Variants in XIRP2 observed in about 807,000 individuals in gnomAD.
XIRP2 encodes xin actin binding repeat containing 2, also known as xin actin-binding repeat-containing protein 2.
A neutral mutation model predicts 277.0 loss-of-function variants in XIRP2; 236 were observed. The ratio of observed to expected loss-of-function variants is 0.85; its 90% confidence interval spans 0.77 to 0.95. XIRP2 has a LOEUF of 0.95. XIRP2 is among the 40% of genes least tolerant of loss of function. XIRP2 has a pLI of 0.00. For missense variants in XIRP2, 4,640 were observed against 4,157.5 expected, an observed-to-expected ratio of 1.12 and a Z score of -3.19; for synonymous variants, 1,490 against 1,416.5, an observed-to-expected ratio of 1.05 and a Z score of -1.17.
intron 2 of XIRP2, among the ~76,000 whole-genome samples, chr2:167,066,211 C>G (rs1431990470): frequency 6.6e-6 from 1 of 151,950 alleles, no homozygotes; most frequent in African/African-American, 2.4e-5. Context: ...AAACCTTATA[C>G]ACATTGAATA....
intron 3 of XIRP2, among the ~76,000 whole-genome samples, chr2:167,180,115 TGAA>T (rs952660049): frequency 6.6e-6 from 1 of 152,244 alleles, no homozygotes; most frequent in Admixed American, 6.5e-5. Context: ...CGTATCTTAC[TGAA>T]GAACTCTGAG....
Position 167,218,244 on chromosome 2 carries a change from T to G in XIRP2, c.802T>G (p.Ser268Ala). The G allele has an allele frequency of 6.2e-7, 1 of 1,608,998 alleles. No homozygotes were observed. The highest frequency in any genetic ancestry group is 8.5e-7 in the Non-Finnish European group (1 of 1,177,708). The change falls in exon 5 of 11, where the codon TCT becomes GCT. Residue 268 changes from serine (S) to alanine (A), a missense_variant. Coordinates refer to ENST00000409195, the MANE Select transcript of XIRP2 (RefSeq NM_152381.6). ...GAAACAATTTGAGGACGAAATTACT[T>G]CTTCCCGTAATACCTTTGCTCAATA... ...VKKQFEDEIT[S>A]SRNTFAQYQY...
intron 2 of XIRP2, among the ~76,000 whole-genome samples, chr2:166,998,227 C>A (rs1386060818): frequency 6.6e-6 from 1 of 152,114 alleles, no homozygotes; most frequent in Non-Finnish European, 1.5e-5. Context: ...AAGTAGCAAA[C>A]TGCATGTACT....
chr2:166,911,578 G>C (rs1684701131), intron 2 of XIRP2, among the ~76,000 whole-genome samples: 1 of 152,084 alleles, frequency 6.6e-6, no homozygotes, highest in Non-Finnish European at 1.5e-5. Context: ...TCCAGTCTGT[G>C]TCTTTTAATT....
At chr2:167,041,450 G>A (rs113494194) in intron 2 of XIRP2, among the ~76,000 whole-genome samples, 1 of 152,214 alleles carries the variant, frequency 6.6e-6, no homozygotes, top group African/African-American at 2.4e-5. Flanking sequence ...TACAAGAGCT[G>A]AAAGACAAAA....
At chr2:167,235,019 T>C (rs922547377) in intron 5 of XIRP2, among the ~76,000 whole-genome samples, 4 of 151,870 alleles carry the variant, frequency 2.6e-5, no homozygotes, top group Non-Finnish European at 5.9e-5. Flanking sequence ...TTTCCTATGT[T>C]GAAAGAATCC....
At chr2:167,133,392 G>A (rs1236163868) in intron 2 of XIRP2, among the ~76,000 whole-genome samples, 4 of 152,122 alleles carry the variant, frequency 2.6e-5, no homozygotes, top group Non-Finnish European at 4.4e-5. Flanking sequence ...TGACTTTGAT[G>A]TGATGACTAG....
chr2:167,181,722 T>C (rs575716402), intron 3 of XIRP2, among the ~76,000 whole-genome samples: 1 of 152,172 alleles, frequency 6.6e-6, no homozygotes, highest in South Asian at 2.1e-4. Flanking sequence ...CAAAATTATA[T>C]TTATAGGACA....
intron 2 of XIRP2, among the ~76,000 whole-genome samples, chr2:167,069,552 T>G (rs542255896): frequency 6.6e-6 from 1 of 152,284 alleles, no homozygotes; most frequent in East Asian, 1.9e-4. Flanking sequence ...GTTCAGATTT[T>G]TAGTCTTCCA....
At chr2:167,043,909 A>ATTTTG (rs1688726541) in intron 2 of XIRP2, among the ~76,000 whole-genome samples, 3 of 152,084 alleles carry the variant, frequency 2.0e-5, no homozygotes, top group Admixed American at 2.0e-4. Context: ...GGATAACAAA[A>ATTTTG]TTATCCTCAC....
rs78571212 is a variant in XIRP2 at position 167,056,950 on chromosome 2, C to T, written c.409-78959C>T. Among the ~76,000 whole-genome samples, 307 of 152,178 alleles carry T rather than the reference C, an allele frequency of 2.0e-3. 10 individuals are homozygous for T. The East Asian group carries it at 0.053, about 26-fold the overall frequency. On this transcript the variant is annotated intron_variant, in intron 2 of 10. Transcript: ENST00000409195. ...GGGAGTGATAAACAAAAATTGATGA[C>T]ATTGAAAACTTGTTTACTCTTGGGC...
intron 1 of XIRP2, among the ~76,000 whole-genome samples, chr2:166,898,018 A>C (rs1234772697): frequency 1.3e-5 from 2 of 152,074 alleles, no homozygotes; most frequent in Non-Finnish European, 2.9e-5. Flanking sequence ...AGGCAGCTGT[A>C]TGGTTTGTTT....
chr2:167,221,651 T>C (rs1573970248), intron 5 of XIRP2, among the ~76,000 whole-genome samples: 1 of 152,114 alleles, frequency 6.6e-6, no homozygotes. Flanking sequence ...AATCACTTCT[T>C]TTATCAGCAG....
intron 2 of XIRP2, among the ~76,000 whole-genome samples, chr2:166,922,425 G>A (rs1436289397): frequency 2.6e-5 from 4 of 152,052 alleles, no homozygotes; most frequent in African/African-American, 9.7e-5. Flanking sequence ...TTTTGCAGCA[G>A]TGCCTCAAAG....
At chr2:167,099,730 G>T (rs1222711514) in intron 2 of XIRP2, among the ~76,000 whole-genome samples, 2 of 152,056 alleles carry the variant, frequency 1.3e-5, no homozygotes, top group Non-Finnish European at 2.9e-5. Context: ...TCACGGCAGG[G>T]TCCCTCATGG....
chr2:167,245,098 GT>G lies in XIRP2; in HGVS notation c.3710del (p.Leu1237Ter), dbSNP rs1347187460. 4 of 1,610,324 alleles carry G rather than the reference GT, an allele frequency of 2.5e-6. No individual in the cohort carries two copies. In the African/African-American group the frequency reaches 5.4e-5, roughly 22 times the overall value. On this transcript the variant is annotated frameshift_variant, in exon 9 of 11. Coordinates refer to ENST00000409195, the MANE Select transcript of XIRP2 (RefSeq NM_152381.6). LOFTEE classifies it high-confidence loss of function. ...LKTEDIQKGN[V>X]LNCRWLFENQ... The stretch of plus-strand genomic sequence containing the variant: ...AACTGAAGATATTCAGAAAGGCAAT[GT>G]TTTAAATTGTAGGTGGCTTTTTGAA...
chr2:167,065,333 A>G (rs1689274608), intron 2 of XIRP2, among the ~76,000 whole-genome samples: 1 of 151,608 alleles, frequency 6.6e-6, no homozygotes, highest in African/African-American at 2.4e-5. Context: ...TCCTTTGCCC[A>G]TTTTTTTAAA....
chr2:167,031,739 C>T (rs1216296697), intron 2 of XIRP2, among the ~76,000 whole-genome samples: 2 of 152,040 alleles, frequency 1.3e-5, no homozygotes, highest in Admixed American at 6.6e-5. Context: ...AGGAGTATAA[C>T]TTAAAAGGGA....
intron 2 of XIRP2, among the ~76,000 whole-genome samples, chr2:167,132,758 G>C (rs555218428): frequency 6.6e-6 from 1 of 152,160 alleles, no homozygotes; most frequent in South Asian, 2.1e-4. Context: ...AGCTCTTCAC[G>C]TAGTTAAGCC....
Sources: allele counts gnomAD v4.1 joint callset (sites outside exome capture counted in the v4.1 genomes callset), GRCh38; gene constraint gnomAD v4.1.1; transcripts MANE v1.5; gene names NCBI Gene and HGNC (gene_info 2026-07-23, HGNC 2026-07-21).